Variants in JMJD1C observed in about 807,000 individuals in gnomAD.
The protein encoded by JMJD1C is jumonji domain-containing protein 1C.
In JMJD1C, 31 loss-of-function variants were observed where a neutral mutation model predicts 245.3. The observed-to-expected ratio is 0.13, with a 90% CI of 0.09 to 0.17. The LOEUF (loss-of-function observed/expected upper bound fraction) is 0.17, where lower values mean the gene tolerates loss of function less well. Ranked by LOEUF, JMJD1C falls within the 10% of genes least tolerant of loss-of-function variation. The pLI is 1.00. For missense variants in JMJD1C, 2,691 were observed against 3,000.2 expected (o/e 0.90, Z 2.41); for synonymous variants, 1,057 against 1,017.4 (o/e 1.04, Z -0.74).
chr10:63,429,213 A>C (rs10761765), intron 1 of JMJD1C, among the ~76,000 whole-genome samples: 1 of 151,920 alleles, frequency 6.6e-6, no homozygotes, highest in Non-Finnish European at 1.5e-5. Context: ...TCCTGACCTC[A>C]GGTGATCCAC....
chr10:63,354,334 A>G (rs1944619961), intron 2 of JMJD1C, among the ~76,000 whole-genome samples: 1 of 152,226 alleles, frequency 6.6e-6, no homozygotes, highest in African/African-American at 2.4e-5. Context: ...TTCTTAACCT[A>G]AAATTATTCA....
chr10:63,249,926 ATGATT>A (rs1039422736), intron 3 of JMJD1C, among the ~76,000 whole-genome samples: 1 of 152,142 alleles, frequency 6.6e-6, no homozygotes, highest in African/African-American at 2.4e-5. Flanking sequence ...CCCAATTACA[ATGATT>A]TGATCTTTAG....
chr10:63,185,064 T>C (rs1236337378), intron 20 of JMJD1C, among the ~76,000 whole-genome samples: 1 of 152,094 alleles, frequency 6.6e-6, no homozygotes, highest in African/African-American at 2.4e-5. Flanking sequence ...CTCTTTAACA[T>C]GAACATTCTT....
chr10:63,373,839 T>C (rs189955883), intron 2 of JMJD1C, among the ~76,000 whole-genome samples: 24 of 152,288 alleles, frequency 1.6e-4, no homozygotes, highest in Non-Finnish European at 2.8e-4. Flanking sequence ...AGAAGCCAAA[T>C]TTTAATGAAC....
At chr10:63,220,783 A>G (rs1848508984) in intron 3 of JMJD1C, among the ~76,000 whole-genome samples, 1 of 152,100 alleles carries the variant, frequency 6.6e-6, no homozygotes, top group Non-Finnish European at 1.5e-5. Flanking sequence ...AGAATAACAA[A>G]CCAGCACTGT....
In JMJD1C at chr10:63,207,094, A is replaced by G; in HGVS notation, c.4575T>C (p.Ser1525=). 2 of 1,614,174 alleles carry G rather than the reference A, an allele frequency of 1.2e-6. No homozygotes were observed. Among genetic ancestry groups the G allele is most frequent in the Non-Finnish European group, 1.7e-6 (2 of 1,180,024 alleles). The change falls in exon 10 of 26, where the codon AGT becomes AGC. Residue 1525 remains serine (S), a synonymous_variant. Coordinates refer to ENST00000399262, the MANE Select transcript of JMJD1C (RefSeq NM_032776.3). The part of the protein sequence containing the change: ...SLPLDSTVIC[S]TINKANSVGN... ...CTACAGAGTTTGCTTTGTTAATTGTACTACAGATTACAGTGCTATCCAGAG... is the reference window on the plus strand; with the variant it reads ...CTACAGAGTTTGCTTTGTTAATTGTGCTACAGATTACAGTGCTATCCAGAG...
rs371204834 is a variant in JMJD1C, at chr10:63,247,860, AAAAC to A, written c.447+16787_447+16790del. 7.9e-4 allele frequency among the ~76,000 whole-genome samples: 120 copies of A among 150,968 alleles called. 1 individual carries two copies. In the East Asian group the frequency reaches 0.018, roughly 22 times the overall value. On this transcript the variant is annotated intron_variant, in intron 3 of 25. Coordinates refer to ENST00000399262, the MANE Select transcript of JMJD1C (RefSeq NM_032776.3). Reference sequence around the variant, plus strand: ...TGCATAAAACAAAACAAAACAAAACAAAACAAACAAAGAAGAGGAGGGAATACTT... The same window carrying A: ...TGCATAAAACAAAACAAAACAAAACAAAACAAAGAAGAGGAGGGAATACTT...
intron 4 of JMJD1C, among the ~76,000 whole-genome samples, chr10:63,217,964 C>T (rs1848185548): frequency 6.6e-6 from 1 of 151,912 alleles, no homozygotes; most frequent in Admixed American, 6.6e-5. Flanking sequence ...TATTTATCTG[C>T]AGATATTCAG....
chr10:63,344,172 T>A lies in JMJD1C; in HGVS notation c.333+36146A>T, dbSNP rs1001107381. Among the ~76,000 whole-genome samples the A allele has an allele frequency of 2.0e-5, 3 of 152,232 alleles. No homozygotes were observed. The South Asian group carries it at 6.2e-4, about 31-fold the overall frequency. On this transcript the variant is annotated intron_variant, in intron 2 of 25. Transcript: ENST00000399262. ...CATTCACTGACATGCCTACAGCAAC[T>A]TCCAGTCTTGCAAGCTCCATTCATG...
At chr10:63,508,435 T>C (rs1234405109) in intron 1 of JMJD1C, among the ~76,000 whole-genome samples, 2 of 152,170 alleles carry the variant, frequency 1.3e-5, no homozygotes, top group African/African-American at 4.8e-5. Flanking sequence ...CTTTGTTCTT[T>C]TCCCTTAATA....
chr10:63,350,898 C>T (rs982234479), intron 2 of JMJD1C, among the ~76,000 whole-genome samples: 7 of 151,764 alleles, frequency 4.6e-5, no homozygotes, highest in South Asian at 4.1e-4. Context: ...GGATTACAGG[C>T]GTGAGCCACC....
intron 3 of JMJD1C, among the ~76,000 whole-genome samples, chr10:63,241,626 T>C (rs1429515163): frequency 6.6e-6 from 1 of 152,198 alleles, no homozygotes; most frequent in East Asian, 1.9e-4. Context: ...TCACATAGTA[T>C]GTTATTTTTT....
intron 2 of JMJD1C, among the ~76,000 whole-genome samples, chr10:63,298,790 T>C (rs562217912): frequency 6.6e-6 from 1 of 152,294 alleles, no homozygotes; most frequent in South Asian, 2.1e-4. Context: ...TGGAGTGCAA[T>C]GGTACAACCT....
intron 8 of JMJD1C, among the ~76,000 whole-genome samples, chr10:63,212,239 C>T (rs987730379): frequency 1.3e-5 from 2 of 152,094 alleles, no homozygotes; most frequent in Non-Finnish European, 2.9e-5. Context: ...AGACCTGCTG[C>T]ACAACAATGT....
At chr10:63,419,838 A>AT (rs1034849905) in intron 1 of JMJD1C, among the ~76,000 whole-genome samples, 2 of 139,602 alleles carry the variant, frequency 1.4e-5, no homozygotes, top group African/African-American at 5.9e-5. Context: ...ATGAAATAAA[A>AT]AAAAAAAAAA....
Position 63,189,343 on chromosome 10 carries a change from T to A in JMJD1C, c.6395A>T (p.Lys2132Ile), listed in dbSNP as rs200769337. ...TTCAGGCTCTTCTTTAAGCTCTGGTTTTACATTTATCTTGGAGGTTTTACT... is the reference window on the plus strand; with the variant it reads ...TTCAGGCTCTTCTTTAAGCTCTGGTATTACATTTATCTTGGAGGTTTTACT... The part of the protein sequence containing the change: ...PPSKTSKINV[K>I]PELKEEPEES... Residue 2132 changes from lysine to isoleucine, a missense_variant, in exon 18 of 26, where the codon AAA (lysine) becomes ATA (isoleucine). By Grantham distance (102) the Lys-to-Ile change is moderately radical. Coordinates refer to ENST00000399262, the MANE Select transcript of JMJD1C (RefSeq NM_032776.3). The A allele has an allele frequency of 1.1e-3, 1,765 of 1,613,910 alleles. 4 individuals are homozygous for A. The highest frequency in any genetic ancestry group is 2.2e-3 in the South Asian group (202 of 91,080).
chr10:63,505,225 G>C (rs1272559108), intron 1 of JMJD1C, among the ~76,000 whole-genome samples: 2 of 151,254 alleles, frequency 1.3e-5, no homozygotes, highest in African/African-American at 4.9e-5. Context: ...GCTGAGGCAG[G>C]AGAATGGCAT....
At chr10:63,256,954 G>T (rs1346629581) in intron 3 of JMJD1C, among the ~76,000 whole-genome samples, 1 of 152,176 alleles carries the variant, frequency 6.6e-6, no homozygotes, top group African/African-American at 2.4e-5. Flanking sequence ...AAAGAGAGTA[G>T]CCAGGCGCAG....
chr10:63,363,262 T>TC (rs947343755), intron 2 of JMJD1C, among the ~76,000 whole-genome samples: 5 of 147,440 alleles, frequency 3.4e-5, no homozygotes, highest in African/African-American at 1.2e-4. Flanking sequence ...CTTTTTTTTT[T>TC]TTTTTTTTTT....
Sources: gnomAD v4.1 joint callset for allele counts (sites outside exome capture counted in the v4.1 genomes callset) on GRCh38, gnomAD v4.1.1 for gene constraint, MANE v1.5 for transcripts, NCBI Gene and HGNC (gene_info 2026-07-23, HGNC 2026-07-21) for gene names.